ADGRA3: variants seen among roughly 807,000 people sequenced by gnomAD.
The protein encoded by ADGRA3 is G-protein coupled receptor 125.
In ADGRA3, 56 loss-of-function variants were observed where a neutral mutation model predicts 119.8. That is an observed-to-expected ratio of 0.47 (90% CI 0.38 to 0.58). The LOEUF is 0.58. ADGRA3 is among the 20% of genes least tolerant of loss of function. ADGRA3 has a pLI of 0.00. For missense variants in ADGRA3, 1,516 were observed against 1,649.0 expected (o/e 0.92, Z 1.40); for synonymous variants, 607 against 623.8 (o/e 0.97, Z 0.40).
chr4:22,412,928 T>A (rs1577331934), intron 14 of ADGRA3, among the ~76,000 whole-genome samples: 2 of 152,132 alleles, frequency 1.3e-5, no homozygotes, highest in South Asian at 2.1e-4. Flanking sequence ...CTAACTGAAC[T>A]GATTGACTTA....
rs1713955224 is a variant in ADGRA3 at position 22,388,607 on chromosome 4, G to A, written c.3064C>T (p.Pro1022Ser). The stretch of plus-strand genomic sequence containing the variant: ...ACGAAGCTAAAAACCAAGTCCAAAG[G>A]GTAATACAAAGAAACAGCCAAAGCC... ...FGALAVSLYY[P>S]LDLVFSFVFG... The change falls in exon 19 of 19, where the codon CCT (proline) becomes TCT (serine). Residue 1022 changes from proline to serine, a missense_variant. Coordinates refer to ENST00000334304, the MANE Select transcript of ADGRA3 (RefSeq NM_145290.4). 5.0e-6 allele frequency: 8 copies of A among 1,613,966 alleles called. No homozygotes were observed. The highest frequency in any genetic ancestry group is 6.8e-6 in the Non-Finnish European group (8 of 1,180,000).
intron 14 of ADGRA3, 133 bp downstream of exon 14, chr4:22,413,049 T>C: frequency 1.5e-6 from 1 of 675,474 alleles, no homozygotes; most frequent in Admixed American, 2.7e-5. Flanking sequence ...TCTCATATAA[T>C]CAAAGGGAGC....
At position 22,496,987 on chromosome 4, in the gene ADGRA3, T is replaced by C. The variant is rs984461870; in HGVS notation, c.257+18541A>G. Among the ~76,000 whole-genome samples, 3 of 152,202 alleles carry C rather than the reference T, an allele frequency of 2.0e-5. No individual in the cohort carries two copies. In the East Asian group the frequency reaches 5.8e-4, roughly 29 times the overall value. Reference sequence around the variant, plus strand: ...GGGGGCAGCCATTCAAGAAATTAACTGGCACCACTGGTTCTACCGCAGAAA... The same window carrying C: ...GGGGGCAGCCATTCAAGAAATTAACCGGCACCACTGGTTCTACCGCAGAAA... On this transcript the variant is annotated intron_variant, in intron 1 of 18. Transcript: ENST00000334304.
chr4:22,436,372 C>T (rs1307807854), intron 9 of ADGRA3, 68 bp downstream of exon 9: 4 of 930,160 alleles, frequency 4.3e-6, no homozygotes, highest in Non-Finnish European at 6.3e-6. Context: ...AAAAAAAAAA[C>T]TTATGTATTT....
chr4:22,426,483 T>G (rs1337006356), intron 10 of ADGRA3, among the ~76,000 whole-genome samples: 1 of 152,244 alleles, frequency 6.6e-6, no homozygotes, highest in Non-Finnish European at 1.5e-5. Flanking sequence ...TCATGATTAC[T>G]GTTCACTGAC....
In ADGRA3 at chr4:22,413,347, T is replaced by A. The variant is rs746315636; in HGVS notation, c.2067A>T (p.Thr689=). The stretch of plus-strand genomic sequence containing the variant: ...CTGCTCCATGTGCAATTCGACGCAG[T>A]GTCACATTAACAGGGATGTGGTGGG... ...VDTHHIPVNV[T]LRRIAHGADA... The change falls in exon 14 of 19, where the codon ACA becomes ACT. Residue 689 remains threonine, a synonymous_variant. Coordinates refer to ENST00000334304, the MANE Select transcript of ADGRA3 (RefSeq NM_145290.4). 1 of 1,614,128 alleles carries A rather than the reference T, an allele frequency of 6.2e-7. No individual in the cohort carries two copies. The highest frequency in any genetic ancestry group is 1.7e-5 in the Admixed American group (1 of 60,016).
Position 22,441,820 on chromosome 4 carries a change from A to T in ADGRA3, c.920+830T>A, listed in dbSNP as rs899212785. ...ATATAAATGAAAATATGCTTCTAGT[A>T]GACATGAAATCTCAAGAAAAATTAT... is the stretch of plus-strand genomic sequence containing the variant. On this transcript the variant is annotated intron_variant, in intron 7 of 18. Coordinates refer to ENST00000334304, the MANE Select transcript of ADGRA3 (RefSeq NM_145290.4). Among the ~76,000 whole-genome samples, 11 of 152,226 alleles carry T rather than the reference A, an allele frequency of 7.2e-5. 1 individual carries two copies. Among genetic ancestry groups the T allele is most frequent in the Admixed American group, 6.5e-4 (10 of 15,274 alleles).
At chr4:22,513,575 G>A (rs1170313400) in intron 1 of ADGRA3, among the ~76,000 whole-genome samples, 3 of 148,598 alleles carry the variant, frequency 2.0e-5, no homozygotes, top group Non-Finnish European at 4.5e-5. Flanking sequence ...GCAGTGGTGC[G>A]ATTTCGGCTC....
At chr4:22,434,230 A>G in intron 10 of ADGRA3, among the ~76,000 whole-genome samples, 1 of 148,570 alleles carries the variant, frequency 6.7e-6, no homozygotes, top group East Asian at 1.9e-4. Context: ...TATGTGATAT[A>G]TAAGTGTGTG....
chr4:22,413,084 A>AAC (rs1715275982), intron 14 of ADGRA3, 98 bp downstream of exon 14: 2 of 893,224 alleles, frequency 2.2e-6, no homozygotes, highest in Non-Finnish European at 1.8e-6. Context: ...GTAAAAAAAA[A>AAC]AAAAAAACAA....
chr4:22,405,161 T>A (rs756117079), intron 14 of ADGRA3, among the ~76,000 whole-genome samples: 9 of 152,166 alleles, frequency 5.9e-5, no homozygotes, highest in Non-Finnish European at 1.2e-4. Context: ...TATGGGGAGC[T>A]GGATACCATC....
rs201312574 is a variant in ADGRA3, at chr4:22,387,929, T to C, written c.3742A>G (p.Lys1248Glu). Residue 1248 changes from lysine (K) to glutamate (E), a missense_variant, in exon 19 of 19, where the codon AAA becomes GAA. Physicochemically the swap from Lys to Glu is moderately conservative, Grantham distance 56 (BLOSUM62 1). Transcript: ENST00000334304. Reference sequence around the variant, plus strand: ...GGCTTTTCAAAATTTCTGCTACTTTTGGGAAGTGTGCTACAAGCATCGCTG... The same window carrying C: ...GGCTTTTCAAAATTTCTGCTACTTTCGGGAAGTGTGCTACAAGCATCGCTG... ...DSSDACSTLP[K>E]SSRNFEKPVS... 2.1e-5 allele frequency: 34 copies of C among 1,614,158 alleles called. No homozygotes were observed. Among genetic ancestry groups the C allele is most frequent in the Non-Finnish European group, 8.5e-7 (1 of 1,180,018 alleles).
At chr4:22,469,459 GACCCAC>G (rs1257691840) in intron 2 of ADGRA3, among the ~76,000 whole-genome samples, 1 of 152,112 alleles carries the variant, frequency 6.6e-6, no homozygotes, top group Non-Finnish European at 1.5e-5. Context: ...ACTGGTGCTT[GACCCAC>G]ACCCACTTCT....
In ADGRA3 at chr4:22,462,617, C is replaced by T. The variant is rs797000384; in HGVS notation, c.330-809G>A. The stretch of plus-strand genomic sequence containing the variant: ...GGCATGAGCCACTGCACTCAGCCTA[C>T]GGTTAGGTTTTCTATGAGGTGAGGA... On this transcript the variant is annotated intron_variant, in intron 2 of 18. Transcript: ENST00000334304. Among the ~76,000 whole-genome samples the T allele has an allele frequency of 3.8e-4, 58 of 152,210 alleles. 2 individuals carry two copies. Among genetic ancestry groups the T allele is most frequent in the African/African-American group, 1.3e-3 (56 of 41,516 alleles).
chr4:22,390,728 C>T (rs970044867), intron 17 of ADGRA3, among the ~76,000 whole-genome samples: 6 of 151,880 alleles, frequency 4.0e-5, no homozygotes, highest in South Asian at 2.1e-4. Context: ...GGCTAGAGGG[C>T]GGAGCTTGAG....
chr4:22,505,039 T>G (rs1719189235), intron 1 of ADGRA3, among the ~76,000 whole-genome samples: 1 of 152,162 alleles, frequency 6.6e-6, no homozygotes, highest in Non-Finnish European at 1.5e-5. Context: ...GGGACTTGGA[T>G]GGATGCAAGC....
intron 14 of ADGRA3, among the ~76,000 whole-genome samples, chr4:22,412,776 C>CACAT (rs769178779): frequency 1.8e-4 from 28 of 152,088 alleles, no homozygotes; most frequent in Non-Finnish European, 4.0e-4. Context: ...ACAATTACGA[C>CACAT]ATGTAGTGGG....
intron 3 of ADGRA3, among the ~76,000 whole-genome samples, chr4:22,458,684 C>T (rs1577361042): frequency 6.6e-6 from 1 of 152,102 alleles, no homozygotes; most frequent in Non-Finnish European, 1.5e-5. Flanking sequence ...AACTCTAAAC[C>T]TGGCTTGGTC....
At chr4:22,437,424 AAC>A (rs1716438586) in intron 8 of ADGRA3, among the ~76,000 whole-genome samples, 3 of 152,198 alleles carry the variant, frequency 2.0e-5, no homozygotes, top group Non-Finnish European at 4.4e-5. Flanking sequence ...GTAACAACTG[AAC>A]CCATTAGAGA....
Sources: allele counts gnomAD v4.1 joint callset (sites outside exome capture counted in the v4.1 genomes callset), GRCh38; gene constraint gnomAD v4.1.1; transcripts MANE v1.5; gene names NCBI Gene and HGNC (gene_info 2026-07-23, HGNC 2026-07-21).